Variants in EFCAB3 observed in about 807,000 individuals in gnomAD.
The protein encoded by EFCAB3 is EF-hand calcium-binding domain-containing protein 3.
EFCAB3 carries 36 observed loss-of-function variants against 42.2 expected under a neutral mutation model. That is an observed-to-expected ratio of 0.85 (90% CI 0.65 to 1.13). The LOEUF (loss-of-function observed/expected upper bound fraction) is 1.13, where lower values mean the gene tolerates loss of function less well. Ranked by LOEUF, EFCAB3 falls within the 50% of genes most tolerant of loss-of-function variation. EFCAB3 has a pLI of 0.00. For synonymous variants in EFCAB3, 170 were observed against 172.8 expected (o/e 0.98, Z 0.13); for missense variants, 418 against 505.1 (o/e 0.83, Z 1.65).
intron 2 of EFCAB3, among the ~76,000 whole-genome samples, chr17:62,383,366 C>A (rs986858988): frequency 6.6e-6 from 1 of 151,898 alleles, no homozygotes; most frequent in African/African-American, 2.4e-5. Flanking sequence ...GCCAGCTACT[C>A]GAGAGGCTGA....
chr17:62,413,996 T>C, intron 9 of EFCAB3, 142 bp downstream of exon 9: 3 of 909,278 alleles, frequency 3.3e-6, no homozygotes, highest in Non-Finnish European at 4.8e-6. Flanking sequence ...TGTTTACCCA[T>C]TGTAATAACA....
Position 62,384,664 on chromosome 17 carries a change from T to C in EFCAB3, c.74+1611T>C, listed in dbSNP as rs557860476. On this transcript the variant is annotated intron_variant, in intron 2 of 9. Coordinates refer to ENST00000305286, the MANE Select transcript of EFCAB3 (RefSeq NM_173503.4). ...ACTGCCTTGAATTCTACTTTCCTCCTGCTTCTTGAGAACATAGTATTTCTC... is the reference window on the plus strand; with the variant it reads ...ACTGCCTTGAATTCTACTTTCCTCCCGCTTCTTGAGAACATAGTATTTCTC... Among the ~76,000 whole-genome samples the C allele has an allele frequency of 2.6e-4, 39 of 152,312 alleles. 1 individual carries two copies. Among genetic ancestry groups the C allele is most frequent in the African/African-American group, 8.9e-4 (37 of 41,560 alleles).
intron 3 of EFCAB3, among the ~76,000 whole-genome samples, chr17:62,390,309 A>T (rs2070292612): frequency 6.6e-6 from 1 of 152,174 alleles, no homozygotes; most frequent in African/African-American, 2.4e-5. Context: ...ATGAGTTCCA[A>T]TCCACAAGGG....
chr17:62,400,459 A>G (rs917672554), intron 6 of EFCAB3, among the ~76,000 whole-genome samples: 3 of 152,036 alleles, frequency 2.0e-5, no homozygotes, highest in African/African-American at 7.2e-5. Flanking sequence ...ATTCCCACCT[A>G]TGAGTGAGAA....
upstream of EFCAB3, among the ~76,000 whole-genome samples, chr17:62,376,298 C>A (rs540316874): frequency 6.6e-6 from 1 of 152,008 alleles, no homozygotes; most frequent in Admixed American, 6.6e-5. Flanking sequence ...CATAGTGAAA[C>A]CCCGTCTCTA....
At chr17:62,411,139 T>C (rs2070491599) in intron 8 of EFCAB3, among the ~76,000 whole-genome samples, 1 of 152,160 alleles carries the variant, frequency 6.6e-6, no homozygotes, top group South Asian at 2.1e-4. Flanking sequence ...GCACAGCTTA[T>C]ATCAAAAATC....
rs745340164 is a variant in EFCAB3, at chr17:62,413,774, A to G, written c.910A>G (p.Asn304Asp). The change falls in exon 9 of 10, where the codon AAT (asparagine) becomes GAT (aspartate). Residue 304 changes from asparagine to aspartate, a missense_variant. Coordinates refer to ENST00000305286, the MANE Select transcript of EFCAB3 (RefSeq NM_173503.4). ...KSMDPASGYS[N>D]NIFTIDQMLK... Reference sequence around the variant, plus strand: ...TATGGACCCTGCCTCAGGTTATTCAAATAACATCTTCACCATTGATCAAAT... The same window carrying G: ...TATGGACCCTGCCTCAGGTTATTCAGATAACATCTTCACCATTGATCAAAT... The G allele has an allele frequency of 6.2e-7, 1 of 1,613,750 alleles. No individual in the cohort carries two copies. Among genetic ancestry groups the G allele is most frequent in the South Asian group, 1.1e-5 (1 of 91,018 alleles).
At chr17:62,403,626 C>T (rs529249018) in intron 6 of EFCAB3, among the ~76,000 whole-genome samples, 1 of 152,242 alleles carries the variant, frequency 6.6e-6, no homozygotes, top group Non-Finnish European at 1.5e-5. Context: ...TTTGCTTAAC[C>T]TCCAGTCTCA....
intron 6 of EFCAB3, among the ~76,000 whole-genome samples, chr17:62,402,562 C>T (rs1567726757): frequency 6.6e-6 from 1 of 152,110 alleles, no homozygotes; most frequent in Non-Finnish European, 1.5e-5. Context: ...TGGTTTTTGT[C>T]TTTGGTTCTG....
intron 3 of EFCAB3, 89 bp from the exon 4 acceptor site, chr17:62,391,733 C>T: frequency 7.8e-7 from 1 of 1,290,026 alleles, no homozygotes; most frequent in African/African-American, 1.5e-5. Flanking sequence ...ACATGATCTC[C>T]AGTCAACTAT....
Position 62,416,327 on chromosome 17 carries a change from T to A in EFCAB3, c.1315T>A (p.Ter439ArgextTer6). The A allele has an allele frequency of 6.4e-7, 1 of 1,573,936 alleles. No individual in the cohort carries two copies. The highest frequency in any genetic ancestry group is 1.4e-5 in the African/African-American group (1 of 73,000). ...KRKGLKGFQQ[*>R] is the part of the protein sequence containing the mutation. ...GAAAGGTTTAAAGGGATTTCAACAA[T>A]GAAATTTCTACATTTTCTAAACAGC... Residue 439 changes from the stop codon to arginine (R), a stop_lost, in exon 10 of 10, where the codon TGA (stop) becomes AGA (arginine). Transcript: ENST00000305286.
chr17:62,410,348 C>T (rs747034286), intron 8 of EFCAB3, among the ~76,000 whole-genome samples: 11 of 151,920 alleles, frequency 7.2e-5, no homozygotes, highest in Non-Finnish European at 1.3e-4. Flanking sequence ...ATGGTGAAAC[C>T]CCGTCTCTAC....
chr17:62,409,535 C>A (rs893627464), intron 8 of EFCAB3, among the ~76,000 whole-genome samples: 3 of 151,736 alleles, frequency 2.0e-5, no homozygotes, highest in African/African-American at 4.8e-5. Flanking sequence ...CATAGTGAGG[C>A]TCCATCTCTA....
chr17:62,397,386 G>A, intron 6 of EFCAB3: 1 of 384,874 alleles, frequency 2.6e-6, no homozygotes. Context: ...CAGGCCCGTG[G>A]TGCCAGCAGG....
At chr17:62,410,028 C>T (rs1278568199) in intron 8 of EFCAB3, among the ~76,000 whole-genome samples, 2 of 151,686 alleles carry the variant, frequency 1.3e-5, no homozygotes, top group African/African-American at 2.4e-5. Flanking sequence ...GGAGAAACTC[C>T]ATCTCTACTA....
chr17:62,401,912 T>C (rs1445197631), intron 6 of EFCAB3, among the ~76,000 whole-genome samples: 1 of 152,250 alleles, frequency 6.6e-6, no homozygotes, highest in Non-Finnish European at 1.5e-5. Context: ...TGATTCTTCC[T>C]ATCCATGAGT....
chr17:62,377,044 G>C (rs999018846), upstream of EFCAB3, among the ~76,000 whole-genome samples: 1 of 149,488 alleles, frequency 6.7e-6, no homozygotes, highest in Non-Finnish European at 1.5e-5. Flanking sequence ...CCAAGCAATA[G>C]AGAGAGAGAG....
chr17:62,371,033 A>C (rs1340799761), intron 1 of EFCAB3, among the ~76,000 whole-genome samples: 3 of 151,898 alleles, frequency 2.0e-5, no homozygotes, highest in Admixed American at 1.3e-4. Context: ...TCGAGATTGC[A>C]ATGAGCTATG....
At chr17:62,380,495 T>C, upstream of EFCAB3, 1 of 933,230 alleles carries the variant, frequency 1.1e-6, no homozygotes, top group Non-Finnish European at 1.3e-6. Context: ...GGTCATTCTC[T>C]CCCTAGGCTT....
Sources: gnomAD v4.1 joint callset for allele counts (sites outside exome capture counted in the v4.1 genomes callset) on GRCh38, gnomAD v4.1.1 for gene constraint, MANE v1.5 for transcripts, NCBI Gene and HGNC (gene_info 2026-07-23, HGNC 2026-07-21) for gene names.